The following ZC3H12B variants were observed in gnomAD, a reference collection of about 807,000 sequenced individuals.
ZC3H12B encodes zinc finger CCCH-type containing 12B.
A neutral mutation model predicts 43.9 loss-of-function variants in ZC3H12B; 7 were observed. That is an observed-to-expected ratio of 0.16 (90% CI 0.09 to 0.30). The LOEUF (loss-of-function observed/expected upper bound fraction) is 0.30, where lower values mean the gene tolerates loss of function less well. Among genes scored for constraint, ZC3H12B ranks in the 10% least tolerant of loss-of-function variants. The pLI, the probability that ZC3H12B is intolerant of heterozygous loss-of-function variation, is 1.00. For synonymous variants in ZC3H12B, 222 were observed against 241.7 expected, an observed-to-expected ratio of 0.92 and a Z score of 0.76; for missense variants, 475 against 670.2, an observed-to-expected ratio of 0.71 and a Z score of 3.22.
chrX:65,344,797 T>A, the ZC3H12B span, among the ~76,000 whole-genome samples: 1 of 112,205 alleles, frequency 8.9e-6, no homozygotes, highest in Admixed American at 9.4e-5. Flanking sequence ...TGGGAGAACA[T>A]TTTTGCAAAC....
At chrX:65,454,996 A>T (rs780967265) in intron 3 of ZC3H12B, among the ~76,000 whole-genome samples, 1 of 111,972 alleles carries the variant, frequency 8.9e-6, no homozygotes, top group East Asian at 2.8e-4. Context: ...ATCATCAAAG[A>T]CCAAAGTAGA....
At position 65,488,738 on chromosome X, in the gene ZC3H12B, G is replaced by C. The variant is rs763706733; in HGVS notation, c.-64G>C. The stretch of plus-strand genomic sequence containing the variant: ...TTACTACAAAAGAATGCCACTGCAT[G>C]TGGATTCCAAGCAGGCTAAAAAGAA... On this transcript the variant is annotated 5_prime_UTR_variant, in exon 1 of 5. An upstream start codon of the reference 5' UTR is lost. Transcript: ENST00000338957. The C allele has an allele frequency of 9.1e-7, 1 of 1,092,898 alleles. No homozygotes were observed. The highest frequency in any genetic ancestry group is 1.9e-5 in the African/African-American group (1 of 52,930). The allele number at this position is 1,092,898 out of a possible 1,213,427, so 90.1% of individuals were successfully genotyped here.
the ZC3H12B span, among the ~76,000 whole-genome samples, chrX:65,109,337 A>C: frequency 2.7e-5 from 3 of 111,734 alleles, no homozygotes; most frequent in Non-Finnish European, 5.7e-5. Flanking sequence ...TGCATCTCTT[A>C]GCCATCATCC....
chrX:65,400,308 C>CA (rs1165871147), intron 3 of ZC3H12B, among the ~76,000 whole-genome samples: 15 of 111,080 alleles, frequency 1.4e-4, no homozygotes. Flanking sequence ...ATAGACAACT[C>CA]AGAGAATTTT....
At chrX:65,235,429 A>G in the ZC3H12B span, among the ~76,000 whole-genome samples, 1 of 111,594 alleles carries the variant, frequency 9.0e-6, no homozygotes, top group African/African-American at 3.3e-5. Context: ...TTTGCTTTGC[A>G]CTTCTCTAAT....
At chrX:65,238,704 C>A in the ZC3H12B span, among the ~76,000 whole-genome samples, 485 of 111,652 alleles carry the variant, frequency 4.3e-3, 3 homozygotes, top group African/African-American at 0.015. Context: ...GATTCTATAG[C>A]TTTGTAATGT....
chrX:65,320,153 A>T, the ZC3H12B span, among the ~76,000 whole-genome samples: 2 of 111,342 alleles, frequency 1.8e-5, no homozygotes, highest in African/African-American at 6.5e-5. Flanking sequence ...AAAACCTCAA[A>T]GTCTCACCCC....
At chrX:65,276,564 A>T in the ZC3H12B span, among the ~76,000 whole-genome samples, 5 of 111,965 alleles carry the variant, frequency 4.5e-5, no homozygotes, top group Middle Eastern at 4.6e-3. Flanking sequence ...TGGCAGAAAA[A>T]AAAACTATAA....
chrX:65,116,857 C>T, the ZC3H12B span, among the ~76,000 whole-genome samples: 2 of 111,461 alleles, frequency 1.8e-5, no homozygotes, highest in Non-Finnish European at 3.8e-5. Context: ...TGATGGTATC[C>T]AGCTTCATCC....
chrX:65,235,752 T>TG, the ZC3H12B span, among the ~76,000 whole-genome samples: 1 of 112,125 alleles, frequency 8.9e-6, no homozygotes, highest in East Asian at 2.8e-4. Context: ...TTACAGCTCT[T>TG]GATCAGGGAA....
At chrX:65,325,280 G>T in the ZC3H12B span, among the ~76,000 whole-genome samples, 1 of 111,074 alleles carries the variant, frequency 9.0e-6, no homozygotes, top group Non-Finnish European at 1.9e-5. Context: ...GAGATAAAAG[G>T]CATCTAAATG....
At chrX:65,452,950 T>C (rs763155912) in intron 3 of ZC3H12B, among the ~76,000 whole-genome samples, 4 of 109,746 alleles carry the variant, frequency 3.6e-5, no homozygotes, top group Non-Finnish European at 5.7e-5. Context: ...ACAAATTCAA[T>C]GCAGTTCCCA....
chrX:65,345,281 G>A, the ZC3H12B span, among the ~76,000 whole-genome samples: 2 of 111,989 alleles, frequency 1.8e-5, no homozygotes, highest in Non-Finnish European at 3.8e-5. Context: ...CAATAACAAA[G>A]ACGTGGACTC....
At chrX:65,419,162 C>A (rs773163059) in intron 3 of ZC3H12B, among the ~76,000 whole-genome samples, 1 of 111,734 alleles carries the variant, frequency 8.9e-6, no homozygotes, top group African/African-American at 3.3e-5. Context: ...TTGGAATAGA[C>A]ATACTCAGCA....
chrX:65,185,809 C>G, the ZC3H12B span: 3 of 111,249 alleles, frequency 2.7e-5, no homozygotes, highest in Non-Finnish European at 3.8e-5. Context: ...AATAAAGTAT[C>G]TATTGCACCA....
At chrX:65,075,327 C>G in the ZC3H12B span, among the ~76,000 whole-genome samples, 1 of 111,955 alleles carries the variant, frequency 8.9e-6, no homozygotes, top group Admixed American at 9.4e-5. Context: ...TTGGTCAGAC[C>G]CCAAAAAGCT....
intron 3 of ZC3H12B, among the ~76,000 whole-genome samples, chrX:65,440,937 T>G (rs1261512563): frequency 1.8e-5 from 2 of 112,705 alleles, no homozygotes; most frequent in Non-Finnish European, 3.7e-5. Flanking sequence ...TTGGCTTATC[T>G]GTTAACCATT....
upstream of ZC3H12B, among the ~76,000 whole-genome samples, chrX:65,364,460 C>T (rs1216591910): frequency 4.6e-5 from 5 of 108,225 alleles, no homozygotes; most frequent in Non-Finnish European, 9.5e-5. Flanking sequence ...CATCAAAAGG[C>T]ATCAGATCCC....
rs765900049 is a variant in ZC3H12B, at chrX:65,462,912, T to C, written n.408-25734T>C. On this transcript the variant is annotated intron_variant and non_coding_transcript_variant, in intron 3 of 5. Transcript: ENST00000617377. ...TTGGATATAGAAAATATGGTGTATA[T>C]ACACCATGGAATACTACACAGCCGT... 4.4e-5 allele frequency among the ~76,000 whole-genome samples: 5 copies of C among 112,487 alleles called. No homozygotes were observed. In the East Asian group the frequency reaches 1.4e-3, roughly 31 times the overall value.
Sources: gnomAD v4.1 joint callset for allele counts (sites outside exome capture counted in the v4.1 genomes callset) on GRCh38, gnomAD v4.1.1 for gene constraint, MANE v1.5 for transcripts, NCBI Gene and HGNC (gene_info 2026-07-23, HGNC 2026-07-21) for gene names.